The following VPS13A variants were observed in gnomAD, a reference collection of about 807,000 sequenced individuals.
VPS13A encodes intermembrane lipid transfer protein VPS13A.
A neutral mutation model predicts 390.9 loss-of-function variants in VPS13A; 264 were observed. The ratio of observed to expected loss-of-function variants is 0.68; its 90% CI spans 0.61 to 0.75. The LOEUF (loss-of-function observed/expected upper bound fraction) is 0.75. Among genes scored for constraint, VPS13A ranks in the 30% least tolerant of loss-of-function variants. The probability of loss-of-function intolerance (pLI) is 0.00; values close to 1 mark genes in which losing one functional copy is unlikely to be tolerated. For missense variants in VPS13A, 3,409 were observed against 3,733.9 expected, an observed-to-expected ratio of 0.91 and a Z score of 2.27; for synonymous variants, 1,231 against 1,227.1, an observed-to-expected ratio of 1.00 and a Z score of -0.07.
At chr9:77,308,279 AT>A (rs1828884669) in intron 35 of VPS13A, among the ~76,000 whole-genome samples, 181 bp downstream of exon 35, 1 of 151,072 alleles carries the variant, frequency 6.6e-6, no homozygotes, top group African/African-American at 2.4e-5. Flanking sequence ...TCTGTTTCTA[AT>A]CAGCTAATTC....
At position 77,364,450 on chromosome 9, in the gene VPS13A, A is replaced by C. The variant is rs1832328045; in HGVS notation, c.8212-1010A>C. On this transcript the variant is annotated intron_variant, in intron 59 of 71. Transcript: ENST00000360280. The stretch of plus-strand genomic sequence containing the variant: ...CGAAAAAAACAAACAAACAAAAAAA[A>C]ACCCATAAAGGAAGCCCCCGCCTCA... Among the ~76,000 whole-genome samples, 4 of 152,076 alleles carry C rather than the reference A, an allele frequency of 2.6e-5. No individual in the cohort carries two copies. In the South Asian group the frequency reaches 8.3e-4, roughly 32 times the overall value.
intron 52 of VPS13A, among the ~76,000 whole-genome samples, chr9:77,345,356 G>T (rs1831092793): frequency 6.6e-6 from 1 of 152,224 alleles, no homozygotes; most frequent in Admixed American, 6.5e-5. Context: ...AAAGAAAAAT[G>T]GAAGAGCTGA....
At chr9:77,251,385 T>C (rs1012263000) in intron 21 of VPS13A, among the ~76,000 whole-genome samples, 1 of 152,210 alleles carries the variant, frequency 6.6e-6, no homozygotes, top group Non-Finnish European at 1.5e-5. Flanking sequence ...AAGTTATTTC[T>C]TTCTGATTAT....
At position 77,303,037 on chromosome 9, in the gene VPS13A, T is replaced by C. The variant is rs202199447; in HGVS notation, c.3935T>C (p.Val1312Ala). The change falls in exon 34 of 72, where the codon GTA becomes GCA. Residue 1312 changes from valine (V) to alanine (A), a missense_variant. Physicochemically the swap from Val to Ala is moderately conservative, Grantham distance 64. Around this residue, in one of 5 missense-constraint regions of VPS13A, gnomAD observed 2,717 missense variants for 2,917.4 expected, o/e 0.93. Coordinates refer to ENST00000360280, the MANE Select transcript of VPS13A (RefSeq NM_033305.3). ...EWYQEVPCFN[V>A]NAQLKPMEFI... The stretch of plus-strand genomic sequence containing the variant: ...TACCAGGAAGTTCCTTGTTTTAATG[T>C]AAATGCTCAGCTGAAACCAATGGAG... The C allele has an allele frequency of 5.0e-5, 81 of 1,613,928 alleles. No individual in the cohort carries two copies. The highest frequency in any genetic ancestry group is 6.5e-5 in the Non-Finnish European group (77 of 1,179,962).
intron 24 of VPS13A, among the ~76,000 whole-genome samples, chr9:77,275,107 A>G (rs1314406950): frequency 2.0e-5 from 3 of 152,132 alleles, no homozygotes; most frequent in African/African-American, 4.8e-5. Flanking sequence ...CTGTTACACT[A>G]TCCAGGTAGA....
rs951535256 is a variant in VPS13A, at chr9:77,356,982, C to T, written c.7806+115C>T. 14 of 1,123,420 alleles carry T rather than the reference C, an allele frequency of 1.2e-5. No individual in the cohort carries two copies. The Admixed American group carries it at 1.4e-4, about 11-fold the overall frequency. The allele number at this position is 1,123,420 out of a possible 1,614,324, so 69.6% of individuals were successfully genotyped here. On this transcript the variant is annotated intron_variant, in intron 55 of 71. Coordinates refer to ENST00000360280, the MANE Select transcript of VPS13A (RefSeq NM_033305.3). ...TCCTTATAAAACAAAATAATCCTGT[C>T]ATACATACCTTGTATAAAATGTTTT... is the stretch of plus-strand genomic sequence containing the variant.
Position 77,419,026 on chromosome 9 carries a change from G to A in VPS13A, c.*3020G>A, listed in dbSNP as rs1835262245. On this transcript the variant is annotated 3_prime_UTR_variant, in exon 72 of 72. Coordinates refer to ENST00000360280, the MANE Select transcript of VPS13A (RefSeq NM_033305.3). ...TAGGCCTCTGTATTAAAAAGATTGG[G>A]ACAAAATACTTGATTAGTTTGCCTG... 1 of 152,150 alleles carries A rather than the reference G, an allele frequency of 6.6e-6. No homozygotes were observed. Among genetic ancestry groups the A allele is most frequent in the East Asian group, 1.9e-4 (1 of 5,192 alleles). 9.4% of individuals were successfully genotyped at this position (152,150 alleles called of 1,614,324 possible). A position where few individuals can be genotyped will look rare whatever the true frequency, so the allele number is the denominator to read the frequency against.
intron 17 of VPS13A, among the ~76,000 whole-genome samples, chr9:77,237,179 A>C (rs7042190): frequency 0.54 from 82,295 of 151,736 alleles, 22,575 homozygotes; most frequent in East Asian, 0.69. Context: ...TGAGCCACCG[A>C]GCCCAGCCTA....
At chr9:77,397,018 T>G (rs758286160) in intron 68 of VPS13A, among the ~76,000 whole-genome samples, 4 of 152,238 alleles carry the variant, frequency 2.6e-5, no homozygotes, top group Non-Finnish European at 4.4e-5. Flanking sequence ...AGACGGAGTC[T>G]CGCTCTGTTG....
rs768241084 is a variant in VPS13A, at chr9:77,314,650, G to A, written c.4398G>A (p.Lys1466=). ...CILDDKRPHV[K]KATPRMIGLT... ...TAGATGATAAAAGACCTCATGTCAA[G>A]AAAGCAACTCCTCGGTATGTATTGT... Residue 1466 remains lysine (K), a synonymous_variant, in exon 37 of 72, where the codon AAG becomes AAA. Transcript: ENST00000360280. The A allele has an allele frequency of 1.2e-6, 2 of 1,612,022 alleles. No individual in the cohort carries two copies. Among genetic ancestry groups the A allele is most frequent in the African/African-American group, 2.7e-5 (2 of 74,866 alleles).
chr9:77,401,329 T>TTTTG (rs1491255249), intron 68 of VPS13A, among the ~76,000 whole-genome samples: 4 of 140,432 alleles, frequency 2.8e-5, no homozygotes, highest in African/African-American at 7.9e-5. Flanking sequence ...TCACATGAAG[T>TTTTG]TGTGTGTGTG....
intron 25 of VPS13A, 103 bp from the exon 26 acceptor site, chr9:77,275,962 A>G: frequency 8.4e-7 from 1 of 1,188,246 alleles, no homozygotes; most frequent in Non-Finnish European, 1.2e-6. Context: ...AAATAATAAT[A>G]TATCAATTGT....
chr9:77,335,709 G>A (rs1447639440), intron 46 of VPS13A, among the ~76,000 whole-genome samples: 1 of 152,216 alleles, frequency 6.6e-6, no homozygotes, highest in Admixed American at 6.5e-5. Flanking sequence ...CACAACAGAT[G>A]TTGGAGAGGA....
chr9:77,402,902 A>T (rs528972862), intron 68 of VPS13A, among the ~76,000 whole-genome samples: 4 of 152,342 alleles, frequency 2.6e-5, no homozygotes, highest in South Asian at 2.1e-4. Flanking sequence ...TTTTGTACAA[A>T]TATTATTAAA....
intron 53 of VPS13A, 40 bp downstream of exon 53, chr9:77,351,486 T>C: frequency 6.2e-7 from 1 of 1,607,288 alleles, no homozygotes. Flanking sequence ...GCAGCCTTTT[T>C]TAAAAAAGGT....
At chr9:77,272,944 G>A (rs975257581) in intron 23 of VPS13A, among the ~76,000 whole-genome samples, 6 of 152,058 alleles carry the variant, frequency 3.9e-5, no homozygotes, top group Admixed American at 1.3e-4. Flanking sequence ...AATTCTAGAG[G>A]CTTTAAGTAT....
chr9:77,401,704 C>T (rs1301054541), intron 68 of VPS13A, among the ~76,000 whole-genome samples: 1 of 152,042 alleles, frequency 6.6e-6, no homozygotes, highest in Non-Finnish European at 1.5e-5. Context: ...TTCTTTTCAT[C>T]TAAGTTTTCA....
chr9:77,283,241 C>A, intron 29 of VPS13A, 114 bp from the exon 30 acceptor site: 2 of 654,824 alleles, frequency 3.1e-6, no homozygotes, highest in East Asian at 2.6e-5. Flanking sequence ...AATTGCAGAT[C>A]AGGTTTTCTC....
intron 1 of VPS13A, among the ~76,000 whole-genome samples, chr9:77,189,041 G>T (rs1025895361): frequency 8.0e-5 from 12 of 149,300 alleles, no homozygotes; most frequent in African/African-American, 3.0e-4. Context: ...GCTTGCAAAT[G>T]TTTTCTCCCA....
Sources: gnomAD v4.1 joint callset for allele counts (sites outside exome capture counted in the v4.1 genomes callset) on GRCh38, gnomAD v4.1.1 for gene constraint, gnomAD v4.1.1 regional missense constraint, MANE v1.5 for transcripts, NCBI Gene and HGNC (gene_info 2026-07-23, HGNC 2026-07-21) for gene names.